Variants in FBXL7 observed in about 807,000 individuals in gnomAD.
FBXL7 encodes the protein F-box and leucine rich repeat protein 7.
Under a neutral mutation model 38.3 loss-of-function variants are expected in FBXL7, and 12 were observed. The observed-to-expected ratio is 0.31, with a 90% CI of 0.20 to 0.51. The LOEUF is 0.51. FBXL7 is among the 20% of genes least tolerant of loss of function. The pLI is 0.98. For synonymous variants in FBXL7, 297 were observed against 300.9 expected (o/e 0.99, Z 0.13); for missense variants, 567 against 676.4 (o/e 0.84, Z 1.79).
intron 1 of FBXL7, among the ~76,000 whole-genome samples, chr5:15,563,500 A>G (rs912254766): frequency 2.0e-5 from 3 of 152,128 alleles, no homozygotes; most frequent in Non-Finnish European, 4.4e-5. Context: ...GTAGAGGAAC[A>G]CTGGAGGTAG....
intron 2 of FBXL7, among the ~76,000 whole-genome samples, chr5:15,667,975 T>C (rs1742341215): frequency 6.6e-6 from 1 of 152,200 alleles, no homozygotes; most frequent in South Asian, 2.1e-4. Flanking sequence ...TACCTCTTCA[T>C]AGGTTGCTGG....
intron 2 of FBXL7, among the ~76,000 whole-genome samples, chr5:15,761,702 C>A (rs1406322316): frequency 1.3e-5 from 2 of 152,108 alleles, no homozygotes; most frequent in African/African-American, 2.4e-5. Context: ...CTCCACCACA[C>A]CCAGCTAAGT....
chr5:15,593,867 A>G (rs187600818), intron 1 of FBXL7, among the ~76,000 whole-genome samples: 7 of 152,300 alleles, frequency 4.6e-5, no homozygotes, highest in Admixed American at 2.0e-4. Flanking sequence ...GCACTATCCA[A>G]TGAAATTTAG....
chr5:15,686,434 A>G (rs1240183520), intron 2 of FBXL7, among the ~76,000 whole-genome samples: 1 of 152,178 alleles, frequency 6.6e-6, no homozygotes, highest in Non-Finnish European at 1.5e-5. Flanking sequence ...AGTAGGCTCC[A>G]TATCAAACCA....
At chr5:15,880,423 C>A (rs1210371436) in intron 2 of FBXL7, among the ~76,000 whole-genome samples, 2 of 152,184 alleles carry the variant, frequency 1.3e-5, no homozygotes, top group Admixed American at 6.6e-5. Context: ...AGAAACACAG[C>A]TGCTTTTTTT....
Position 15,901,075 on chromosome 5 carries a change from T to C in FBXL7, c.128-26815T>C, listed in dbSNP as rs76488456. 8.4e-3 allele frequency among the ~76,000 whole-genome samples: 1,280 copies of C among 152,340 alleles called. 8 individuals are homozygous for C. Among genetic ancestry groups the C allele is most frequent in the African/African-American group, 0.029 (1,215 of 41,586 alleles). ...GCCACTCTAAAAATGCATTCTTCAG[T>C]GGCTACCCCAATTTCTAAAAGCTAT... On this transcript the variant is annotated intron_variant, in intron 2 of 3. Transcript: ENST00000504595.
At chr5:15,671,015 C>T (rs1742454637) in intron 2 of FBXL7, among the ~76,000 whole-genome samples, 1 of 152,022 alleles carries the variant, frequency 6.6e-6, no homozygotes, top group South Asian at 2.1e-4. Flanking sequence ...TCTCTGACTT[C>T]ATTTGCACAG....
chr5:15,655,719 A>G (rs1741858150), intron 2 of FBXL7, among the ~76,000 whole-genome samples: 2 of 152,220 alleles, frequency 1.3e-5, no homozygotes, highest in South Asian at 4.1e-4. Flanking sequence ...GGAGAGCAGC[A>G]GAAACACTTA....
At chr5:15,513,290 C>T (rs1736852184) in intron 1 of FBXL7, among the ~76,000 whole-genome samples, 2 of 151,806 alleles carry the variant, frequency 1.3e-5, no homozygotes, top group African/African-American at 4.8e-5. Flanking sequence ...GTAAGAAATA[C>T]AGTATCTTTC....
At chr5:15,789,199 C>A (rs571805035) in intron 2 of FBXL7, among the ~76,000 whole-genome samples, 2 of 152,008 alleles carry the variant, frequency 1.3e-5, no homozygotes, top group African/African-American at 4.8e-5. Flanking sequence ...TCTACAAGAC[C>A]TCATATCTTT....
chr5:15,930,976 A>AGC (rs1742023963), intron 3 of FBXL7, among the ~76,000 whole-genome samples: 1 of 152,208 alleles, frequency 6.6e-6, no homozygotes, highest in Non-Finnish European at 1.5e-5. Context: ...TAGTGGCCAC[A>AGC]TTCTCAGTGG....
At chr5:15,769,675 G>T (rs1402518944) in intron 2 of FBXL7, among the ~76,000 whole-genome samples, 2 of 151,302 alleles carry the variant, frequency 1.3e-5, no homozygotes, top group African/African-American at 4.9e-5. Flanking sequence ...ATCTAGACTG[G>T]AAGAGGTGAA....
At chr5:15,900,210 T>C (rs1741201946) in intron 2 of FBXL7, among the ~76,000 whole-genome samples, 1 of 152,142 alleles carries the variant, frequency 6.6e-6, no homozygotes, top group East Asian at 1.9e-4. Context: ...AATATCCTCA[T>C]CTTAAACCTG....
At chr5:15,736,506 T>C (rs1246451502) in intron 2 of FBXL7, among the ~76,000 whole-genome samples, 2 of 152,332 alleles carry the variant, frequency 1.3e-5, no homozygotes, top group East Asian at 3.9e-4. Flanking sequence ...CAAATCCACA[T>C]AAATCACCCA....
chr5:15,689,624 TTAAC>T (rs1269537628), intron 2 of FBXL7, among the ~76,000 whole-genome samples: 1 of 152,190 alleles, frequency 6.6e-6, no homozygotes, highest in Admixed American at 6.5e-5. Flanking sequence ...GTTGCACTGG[TTAAC>T]TAAGATAAAC....
chr5:15,683,304 C>T (rs17647689), intron 2 of FBXL7, among the ~76,000 whole-genome samples: 6,087 of 152,220 alleles, frequency 0.04, 151 homozygotes, highest in East Asian at 0.08. Flanking sequence ...TCTCTTGGGT[C>T]ATGTGGCTTT....
chr5:15,732,701 C>G (rs1179831113), intron 2 of FBXL7, among the ~76,000 whole-genome samples: 1 of 152,142 alleles, frequency 6.6e-6, no homozygotes, highest in Non-Finnish European at 1.5e-5. Context: ...CTGCAATATC[C>G]TCCTATTTGG....
intron 2 of FBXL7, among the ~76,000 whole-genome samples, chr5:15,866,634 T>A (rs183506751): frequency 3.3e-5 from 5 of 152,232 alleles, no homozygotes; most frequent in African/African-American, 1.2e-4. Context: ...GCCGCACCTA[T>A]TGACCCATCC....
chr5:15,515,088 A>G (rs1736899041), intron 1 of FBXL7, among the ~76,000 whole-genome samples: 2 of 152,208 alleles, frequency 1.3e-5, no homozygotes, highest in African/African-American at 4.8e-5. Context: ...AACATAAGAC[A>G]GCAAAGAAAT....
Sources: allele counts gnomAD v4.1 joint callset (sites outside exome capture counted in the v4.1 genomes callset), GRCh38; gene constraint gnomAD v4.1.1; transcripts MANE v1.5; gene names NCBI Gene and HGNC (gene_info 2026-07-23, HGNC 2026-07-21).